Variants in GREM2 observed in about 807,000 individuals in gnomAD.
GREM2 encodes the protein gremlin-2.
Under a neutral mutation model 14.2 loss-of-function variants are expected in GREM2, and 11 were observed. The observed-to-expected ratio is 0.78, with a 90% CI of 0.49 to 1.28. GREM2 has a LOEUF of 1.28. Ranked by LOEUF, GREM2 falls within the 50% of genes most tolerant of loss-of-function variation. GREM2 has a pLI of 0.00. For missense variants in GREM2, 210 were observed against 218.5 expected (o/e 0.96, Z 0.24); for synonymous variants, 98 against 97.6 (o/e 1.00, Z -0.02).
chr1:240,510,782 A>C (rs1385039416), intron 1 of GREM2, among the ~76,000 whole-genome samples: 1 of 152,240 alleles, frequency 6.6e-6, no homozygotes, highest in Non-Finnish European at 1.5e-5. Flanking sequence ...GAAAATACGT[A>C]AGTGAAGGTT....
At chr1:240,518,428 C>A (rs1365734276) in intron 1 of GREM2, among the ~76,000 whole-genome samples, 2 of 152,258 alleles carry the variant, frequency 1.3e-5, no homozygotes, top group South Asian at 2.1e-4. Flanking sequence ...ATGTAAAAGG[C>A]AAAATCAACA....
At chr1:240,576,105 C>G (rs1271103568) in intron 1 of GREM2, among the ~76,000 whole-genome samples, 2 of 152,052 alleles carry the variant, frequency 1.3e-5, no homozygotes, top group Non-Finnish European at 2.9e-5. Flanking sequence ...AACCACATAC[C>G]TTGTAGAAAA....
At chr1:240,510,063 A>G (rs908098143) in intron 1 of GREM2, among the ~76,000 whole-genome samples, 1 of 152,114 alleles carries the variant, frequency 6.6e-6, no homozygotes, top group African/African-American at 2.4e-5. Context: ...AAAAATAATT[A>G]TCGCTCTTTA....
chr1:240,518,994 T>A (rs1489886644), intron 1 of GREM2, among the ~76,000 whole-genome samples: 2 of 152,120 alleles, frequency 1.3e-5, no homozygotes, highest in African/African-American at 4.8e-5. Flanking sequence ...GAAACCAAAT[T>A]TCAGGAACTG....
intron 1 of GREM2, among the ~76,000 whole-genome samples, chr1:240,508,887 T>G (rs1441314078): frequency 1.3e-5 from 2 of 152,164 alleles, no homozygotes; most frequent in Non-Finnish European, 2.9e-5. Context: ...CACCCCATAC[T>G]CTGAAAAACA....
chr1:240,544,179 G>A (rs976059925), intron 1 of GREM2, among the ~76,000 whole-genome samples: 16 of 141,024 alleles, frequency 1.1e-4, no homozygotes, highest in South Asian at 4.3e-4. Flanking sequence ...AGACAGTCTC[G>A]CTCTGTCGCC....
At chr1:240,609,721 A>G (rs2102877120) in intron 1 of GREM2, among the ~76,000 whole-genome samples, 1 of 152,274 alleles carries the variant, frequency 6.6e-6, no homozygotes, top group East Asian at 1.9e-4. Context: ...TAATCTGTTG[A>G]GTGCCTGTGC....
intron 1 of GREM2, among the ~76,000 whole-genome samples, chr1:240,565,115 T>C (rs1449094074): frequency 1.3e-5 from 2 of 152,238 alleles, no homozygotes; most frequent in African/African-American, 4.8e-5. Flanking sequence ...TATTTACCTA[T>C]GTTAATATTT....
At chr1:240,525,647 T>C (rs1183516967) in intron 1 of GREM2, among the ~76,000 whole-genome samples, 1 of 151,938 alleles carries the variant, frequency 6.6e-6, no homozygotes, top group African/African-American at 2.4e-5. Context: ...CCTGGCTAAT[T>C]TTTGTATTTT....
At chr1:240,533,323 T>G (rs1678405089) in intron 1 of GREM2, among the ~76,000 whole-genome samples, 1 of 152,126 alleles carries the variant, frequency 6.6e-6, no homozygotes, top group Non-Finnish European at 1.5e-5. Flanking sequence ...ACAGATCAGT[T>G]TAGCGGTCTG....
intron 1 of GREM2, among the ~76,000 whole-genome samples, chr1:240,533,330 T>A (rs1678405453): frequency 6.6e-6 from 1 of 152,148 alleles, no homozygotes; most frequent in Non-Finnish European, 1.5e-5. Flanking sequence ...AGTTTAGCGG[T>A]CTGTGAGGGC....
chr1:240,505,759 AGAAT>A (rs1055711886), intron 1 of GREM2, among the ~76,000 whole-genome samples: 6 of 150,488 alleles, frequency 4.0e-5, no homozygotes, highest in Non-Finnish European at 8.9e-5. Context: ...GAAAAAAAAA[AGAAT>A]GATATGGTGA....
intron 1 of GREM2, among the ~76,000 whole-genome samples, chr1:240,547,532 T>TATATATAGACAG (rs1187770486): frequency 1.5e-4 from 18 of 121,870 alleles, no homozygotes; most frequent in African/African-American, 6.3e-4. Flanking sequence ...TATATATATA[T>TATATATAGACAG]ATAGATAGAT....
chr1:240,499,636 C>A (rs1327268178), intron 1 of GREM2, among the ~76,000 whole-genome samples: 4 of 152,204 alleles, frequency 2.6e-5, no homozygotes, highest in Non-Finnish European at 5.9e-5. Context: ...CCTTTAGAGA[C>A]AGAGGTCGAT....
At chr1:240,562,951 T>C (rs1246276852) in intron 1 of GREM2, among the ~76,000 whole-genome samples, 1 of 139,298 alleles carries the variant, frequency 7.2e-6, no homozygotes, top group African/African-American at 3.1e-5. Flanking sequence ...TGTGAGTGTG[T>C]ATGTGTGTGA....
intron 1 of GREM2, among the ~76,000 whole-genome samples, chr1:240,551,614 G>A (rs1170001811): frequency 1.3e-5 from 2 of 151,094 alleles, no homozygotes; most frequent in East Asian, 3.9e-4. Flanking sequence ...TCAGGCATGA[G>A]CCACCATGCC....
At chr1:240,527,623 A>C (rs1009003605) in intron 1 of GREM2, among the ~76,000 whole-genome samples, 1 of 152,220 alleles carries the variant, frequency 6.6e-6, no homozygotes, top group African/African-American at 2.4e-5. Flanking sequence ...AAAAGGAAGA[A>C]GGAAGAAAGA....
chr1:240,607,678 G>A (rs1037458715), intron 1 of GREM2, among the ~76,000 whole-genome samples: 7 of 152,154 alleles, frequency 4.6e-5, no homozygotes. Context: ...GTGGGCCTGA[G>A]GGTGAATATT....
At chr1:240,550,676 T>C (rs1374444056) in intron 1 of GREM2, among the ~76,000 whole-genome samples, 1 of 152,242 alleles carries the variant, frequency 6.6e-6, no homozygotes, top group Non-Finnish European at 1.5e-5. Flanking sequence ...CTCTGATTTT[T>C]TGCTTTATAA....
Sources: gnomAD v4.1 joint callset for allele counts (sites outside exome capture counted in the v4.1 genomes callset) on GRCh38, gnomAD v4.1.1 for gene constraint, MANE v1.5 for transcripts, NCBI Gene and HGNC (gene_info 2026-07-23, HGNC 2026-07-21) for gene names.